The following SMYD3 variants were observed in gnomAD, a reference collection of about 807,000 sequenced individuals.
SMYD3 encodes the protein SET and MYND domain containing 3.
A neutral mutation model predicts 57.7 loss-of-function variants in SMYD3; 36 were observed. The ratio of observed to expected loss-of-function variants is 0.62; its 90% CI spans 0.48 to 0.82. SMYD3 has a LOEUF of 0.82. SMYD3 is among the 40% of genes least tolerant of loss of function. The probability of loss-of-function intolerance (pLI) is 0.00; values close to 1 mark genes in which losing one functional copy is unlikely to be tolerated. For synonymous variants in SMYD3, 211 were observed against 195.0 expected, an observed-to-expected ratio of 1.08 and a Z score of -0.68; for missense variants, 515 against 538.8, an observed-to-expected ratio of 0.96 and a Z score of 0.44.
chr1:245,821,990 A>C (rs184276665), intron 10 of SMYD3, among the ~76,000 whole-genome samples: 6 of 151,872 alleles, frequency 4.0e-5, no homozygotes, highest in African/African-American at 9.7e-5. Context: ...TCAGTGTGGC[A>C]ATTCCTCAGG....
At chr1:245,840,376 T>C (rs540484315) in intron 10 of SMYD3, among the ~76,000 whole-genome samples, 5 of 152,260 alleles carry the variant, frequency 3.3e-5, no homozygotes, top group African/African-American at 1.2e-4. Flanking sequence ...GACCGTGTAA[T>C]AGGCTTTTGA....
At chr1:245,898,763 G>C (rs902922866) in intron 8 of SMYD3, among the ~76,000 whole-genome samples, 4 of 152,182 alleles carry the variant, frequency 2.6e-5, no homozygotes, top group Non-Finnish European at 2.9e-5. Flanking sequence ...AGTAATCATA[G>C]CTTGTTTGTT....
chr1:246,341,433 C>G (rs558716207), intron 2 of SMYD3, among the ~76,000 whole-genome samples: 1 of 152,158 alleles, frequency 6.6e-6, no homozygotes, highest in Admixed American at 6.5e-5. Flanking sequence ...GTCTGTTTTT[C>G]TTAAATGAGT....
chr1:246,442,565 A>G (rs2067486579), intron 1 of SMYD3, among the ~76,000 whole-genome samples: 1 of 151,004 alleles, frequency 6.6e-6, no homozygotes, highest in South Asian at 2.1e-4. Flanking sequence ...AAATAAAATA[A>G]TAAAAAAAGA....
chr1:246,233,725 AAG>A (rs1162110924), intron 5 of SMYD3, among the ~76,000 whole-genome samples: 41 of 134,058 alleles, frequency 3.1e-4, no homozygotes, highest in African/African-American at 6.0e-4. Context: ...CACAGAGGAG[AAG>A]CACTCCTCAA....
At chr1:246,230,063 T>C (rs960169930) in intron 5 of SMYD3, among the ~76,000 whole-genome samples, 3 of 152,178 alleles carry the variant, frequency 2.0e-5, no homozygotes, top group African/African-American at 7.2e-5. Context: ...CAACGTTTAA[T>C]ATCACAGTAT....
chr1:246,012,162 T>C (rs1434393155), intron 5 of SMYD3, among the ~76,000 whole-genome samples: 1 of 152,196 alleles, frequency 6.6e-6, no homozygotes, highest in Non-Finnish European at 1.5e-5. Context: ...AATTCCTTTG[T>C]TGTCTTCTTG....
At chr1:246,424,006 C>A (rs1372177966) in intron 1 of SMYD3, among the ~76,000 whole-genome samples, 5 of 152,024 alleles carry the variant, frequency 3.3e-5, no homozygotes, top group African/African-American at 1.2e-4. Context: ...CAGACAAATG[C>A]AAGAAGAATT....
chr1:246,227,905 T>C (rs1375315797), intron 5 of SMYD3, among the ~76,000 whole-genome samples: 1 of 151,986 alleles, frequency 6.6e-6, no homozygotes, highest in Non-Finnish European at 1.5e-5. Context: ...TTTGGCATCA[T>C]ATGCTATGTT....
intron 8 of SMYD3, among the ~76,000 whole-genome samples, chr1:245,868,039 A>G (rs189610476): frequency 6.6e-6 from 1 of 152,346 alleles, no homozygotes; most frequent in Admixed American, 6.5e-5. Flanking sequence ...TATCTAGCAC[A>G]GTCTTATATT....
chr1:246,251,126 T>G (rs1003432293), intron 5 of SMYD3, among the ~76,000 whole-genome samples: 2 of 152,124 alleles, frequency 1.3e-5, no homozygotes, highest in African/African-American at 4.8e-5. Context: ...GTAAAGAAAA[T>G]GGACAGACAG....
At chr1:246,450,476 G>A (rs1379465421) in intron 1 of SMYD3, among the ~76,000 whole-genome samples, 1 of 152,112 alleles carries the variant, frequency 6.6e-6, no homozygotes, top group African/African-American at 2.4e-5. Flanking sequence ...CCTGAAAAAT[G>A]CCCACCCCAA....
chr1:246,326,364 A>G (rs1232022362), intron 5 of SMYD3: 2 of 701,630 alleles, frequency 2.9e-6, no homozygotes, highest in African/African-American at 1.8e-5. Context: ...CCCAGGGTAA[A>G]TATCAAGAAG....
intron 10 of SMYD3, among the ~76,000 whole-genome samples, chr1:245,802,789 T>C (rs2047936248): frequency 6.6e-6 from 1 of 152,190 alleles, no homozygotes; most frequent in African/African-American, 2.4e-5. Context: ...TTCAAGATAA[T>C]GGAATAATCG....
intron 1 of SMYD3, among the ~76,000 whole-genome samples, chr1:246,504,424 T>C (rs184108069): frequency 6.6e-6 from 1 of 152,308 alleles, no homozygotes; most frequent in Admixed American, 6.5e-5. Context: ...CTGAATACTG[T>C]AGGTAACTGT....
chr1:245,935,783 C>A lies in SMYD3; in HGVS notation c.532-5846G>T, dbSNP rs566593825. Among the ~76,000 whole-genome samples the A allele has an allele frequency of 3.2e-4, 48 of 152,104 alleles. 1 individual carries two copies. The East Asian group carries it at 7.5e-3, about 24-fold the overall frequency. The stretch of plus-strand genomic sequence containing the variant: ...TATGTTAAGTGAACTAAGCCAGGTA[C>A]AAAAAGACAAATAATCCATGATCTC... On this transcript the variant is annotated intron_variant, in intron 5 of 11. Transcript: ENST00000490107.
intron 5 of SMYD3, among the ~76,000 whole-genome samples, chr1:246,123,568 C>CAA (rs1419529167): frequency 1.7e-5 from 2 of 121,116 alleles, no homozygotes; most frequent in African/African-American, 3.2e-5. Context: ...GACTCCATCT[C>CAA]AAAACACACA....
chr1:245,965,119 A>G (rs535089114), intron 5 of SMYD3, among the ~76,000 whole-genome samples: 1 of 152,216 alleles, frequency 6.6e-6, no homozygotes, highest in Admixed American at 6.5e-5. Context: ...GAGGTAAAAG[A>G]AAAACTTTTG....
rs1408780078 is a variant in SMYD3 at position 246,385,155 on chromosome 1, G to A, written c.165-30061C>T. ...AAAATTTATCTTTTGTCTCCAGCAT[G>A]TCTTTCAAACTGAATTTAATTGGTA... On this transcript the variant is annotated intron_variant, in intron 1 of 11. Transcript: ENST00000490107. Among the ~76,000 whole-genome samples, 7 of 152,124 alleles carry A rather than the reference G, an allele frequency of 4.6e-5. No individual in the cohort carries two copies. The East Asian group carries it at 1.3e-3, about 29-fold the overall frequency.
Sources: gnomAD v4.1 joint callset for allele counts (sites outside exome capture counted in the v4.1 genomes callset) on GRCh38, gnomAD v4.1.1 for gene constraint, MANE v1.5 for transcripts, NCBI Gene and HGNC (gene_info 2026-07-23, HGNC 2026-07-21) for gene names.